Variants in ATF6 observed in about 807,000 individuals in gnomAD.
The protein encoded by ATF6 is activating transcription factor 6, also known as cyclic AMP-dependent transcription factor ATF-6 alpha.
Under a neutral mutation model 83.6 loss-of-function variants are expected in ATF6, and 53 were observed. The ratio of observed to expected loss-of-function variants is 0.63; its 90% CI spans 0.51 to 0.80. ATF6 has a LOEUF of 0.80. Among genes scored for constraint, ATF6 ranks in the 30% least tolerant of loss-of-function variants. The pLI is 0.00. For synonymous variants in ATF6, 288 were observed against 285.8 expected, an observed-to-expected ratio of 1.01 and a Z score of -0.08; for missense variants, 744 against 797.9, an observed-to-expected ratio of 0.93 and a Z score of 0.81.
chr1:161,861,887 G>A (rs372883131), intron 13 of ATF6, among the ~76,000 whole-genome samples: 1 of 152,172 alleles, frequency 6.6e-6, no homozygotes, highest in East Asian at 1.9e-4. Context: ...GTCTAGTGTT[G>A]CTAAGCCGAA....
At chr1:161,868,862 A>G (rs1687066432) in intron 14 of ATF6, among the ~76,000 whole-genome samples, 1 of 152,118 alleles carries the variant, frequency 6.6e-6, no homozygotes, top group African/African-American at 2.4e-5. Context: ...ACCTGAGTGT[A>G]GTGTTTAACA....
intron 10 of ATF6, among the ~76,000 whole-genome samples, chr1:161,846,857 A>G (rs1011771907): frequency 2.6e-5 from 4 of 151,792 alleles, no homozygotes; most frequent in African/African-American, 9.7e-5. Context: ...CATATTATAT[A>G]TAATGTCTTT....
At chr1:161,919,558 A>G (rs1017273060) in intron 15 of ATF6, among the ~76,000 whole-genome samples, 2 of 152,160 alleles carry the variant, frequency 1.3e-5, no homozygotes, top group Admixed American at 1.3e-4. Flanking sequence ...AACTTTGTAG[A>G]TATCTTTCAT....
chr1:161,899,983 G>A lies in ATF6; in HGVS notation c.1720-12313G>A, dbSNP rs77030766. 8.4e-3 allele frequency among the ~76,000 whole-genome samples: 1,280 copies of A among 152,148 alleles called. 7 individuals carry two copies. Among genetic ancestry groups the A allele is most frequent in the Admixed American group, 0.017 (261 of 15,280 alleles). On this transcript the variant is annotated intron_variant, in intron 14 of 15. Transcript: ENST00000367942. ...ACCACTGTCTGTGTGGAATTTTCAC[G>A]TTTTCTCCATGTGTCTGCACAGGTT...
At chr1:161,952,374 C>G (rs1688882477) in intron 15 of ATF6, among the ~76,000 whole-genome samples, 1 of 152,104 alleles carries the variant, frequency 6.6e-6, no homozygotes, top group Non-Finnish European at 1.5e-5. Flanking sequence ...GAGTCCTCCT[C>G]TGGGCCCTGC....
At chr1:161,954,122 A>G (rs962179889) in intron 15 of ATF6, among the ~76,000 whole-genome samples, 5 of 152,190 alleles carry the variant, frequency 3.3e-5, no homozygotes, top group African/African-American at 1.2e-4. Context: ...GTGTGTAGGG[A>G]TGGTCAAAAC....
At chr1:161,780,150 T>C (rs1310403260) in intron 2 of ATF6, among the ~76,000 whole-genome samples, 1 of 152,148 alleles carries the variant, frequency 6.6e-6, no homozygotes, top group African/African-American at 2.4e-5. Flanking sequence ...TCATGTGCAC[T>C]TTCACATGTT....
intron 2 of ATF6, 65 bp from the exon 3 acceptor site, chr1:161,781,847 A>G (rs1192210682): frequency 1.9e-6 from 2 of 1,074,564 alleles, no homozygotes; most frequent in Admixed American, 2.3e-5. Context: ...TGTGTCTCAC[A>G]GTTTGATTTT....
At chr1:161,793,866 T>C (rs997007782) in intron 6 of ATF6, among the ~76,000 whole-genome samples, 2 of 152,042 alleles carry the variant, frequency 1.3e-5, no homozygotes, top group Admixed American at 1.3e-4. Flanking sequence ...TATAGTTATT[T>C]TTTTGTGAGC....
At position 161,911,537 on chromosome 1, in the gene ATF6, C is replaced by A. The variant is rs537538826; in HGVS notation, c.1720-759C>A. On this transcript the variant is annotated intron_variant, in intron 14 of 15. Coordinates refer to ENST00000367942, the MANE Select transcript of ATF6 (RefSeq NM_007348.4). ...ATGCCCTGCACAGTGTAGGACTATA[C>A]AATTGTGCTAGGCATGTATTTATAA... is the stretch of plus-strand genomic sequence containing the variant. Among the ~76,000 whole-genome samples the A allele has an allele frequency of 5.1e-4, 77 of 152,352 alleles. 1 individual carries two copies. Among genetic ancestry groups the A allele is most frequent in the African/African-American group, 1.7e-3 (72 of 41,576 alleles).
At chr1:161,793,833 A>G (rs185838534) in intron 6 of ATF6, among the ~76,000 whole-genome samples, 34 of 152,314 alleles carry the variant, frequency 2.2e-4, no homozygotes, top group South Asian at 8.3e-4. Context: ...TGAAACTTCA[A>G]TACTTTCCTG....
chr1:161,818,100 CAAAAA>C (rs778851235), intron 7 of ATF6, among the ~76,000 whole-genome samples: 1 of 79,770 alleles, frequency 1.3e-5, no homozygotes. Flanking sequence ...GACTCCATCT[CAAAAA>C]AAAAAAAAAA....
intron 14 of ATF6, among the ~76,000 whole-genome samples, chr1:161,865,284 T>A (rs1186625217): frequency 6.6e-6 from 1 of 152,004 alleles, no homozygotes; most frequent in Non-Finnish European, 1.5e-5. Flanking sequence ...CTCAGCCTCC[T>A]GAATAGCTGG....
intron 14 of ATF6, among the ~76,000 whole-genome samples, chr1:161,889,229 T>A (rs1442576555): frequency 6.6e-6 from 1 of 152,232 alleles, no homozygotes; most frequent in Non-Finnish European, 1.5e-5. Flanking sequence ...AAAGGGTTAT[T>A]TCCCAACAGC....
At chr1:161,796,413 G>A (rs1341959278) in intron 6 of ATF6, among the ~76,000 whole-genome samples, 1 of 152,120 alleles carries the variant, frequency 6.6e-6, no homozygotes, top group Non-Finnish European at 1.5e-5. Flanking sequence ...TCTTCTCAAA[G>A]TATTGGTTTA....
At chr1:161,855,527 G>A (rs1027266000) in intron 12 of ATF6, among the ~76,000 whole-genome samples, 2 of 152,122 alleles carry the variant, frequency 1.3e-5, no homozygotes, top group African/African-American at 2.4e-5. Context: ...GAGTTTAGGA[G>A]AGAGGTTGAA....
At chr1:161,877,912 A>G (rs1269506300) in intron 14 of ATF6, among the ~76,000 whole-genome samples, 1 of 152,110 alleles carries the variant, frequency 6.6e-6, no homozygotes, top group Non-Finnish European at 1.5e-5. Flanking sequence ...AGAAAGGACT[A>G]TCATTTTTTA....
intron 9 of ATF6, 92 bp from the exon 10 acceptor site, chr1:161,846,357 A>G (rs1686486436): frequency 7.2e-7 from 1 of 1,389,124 alleles, no homozygotes; most frequent in Non-Finnish European, 9.7e-7. Context: ...TGGATCTGCA[A>G]AGGAATTGTG....
At chr1:161,849,116 C>T (rs1011436001) in intron 10 of ATF6, among the ~76,000 whole-genome samples, 1 of 152,034 alleles carries the variant, frequency 6.6e-6, no homozygotes, top group Non-Finnish European at 1.5e-5. Context: ...TAAAATAATG[C>T]GTATGTCATA....
Sources: gnomAD v4.1 joint callset for allele counts (sites outside exome capture counted in the v4.1 genomes callset) on GRCh38, gnomAD v4.1.1 for gene constraint, MANE v1.5 for transcripts, NCBI Gene and HGNC (gene_info 2026-07-23, HGNC 2026-07-21) for gene names.